Variants in PDE4D observed in about 807,000 individuals in gnomAD.
The protein encoded by PDE4D is 3',5'-cyclic-AMP phosphodiesterase 4D.
PDE4D carries 24 observed loss-of-function variants against 87.4 expected under a neutral mutation model. That is an observed-to-expected ratio of 0.27 (90% CI 0.20 to 0.39). The LOEUF is 0.39. Among genes scored for constraint, PDE4D ranks in the 10% least tolerant of loss-of-function variants. PDE4D has a pLI of 1.00. For missense variants in PDE4D, 714 were observed against 1,041.0 expected (o/e 0.69, Z 4.32); for synonymous variants, 384 against 383.2 (o/e 1.00, Z -0.02).
chr5:60,319,335 T>G (rs1401514909), intron 1 of PDE4D, among the ~76,000 whole-genome samples: 3 of 152,244 alleles, frequency 2.0e-5, no homozygotes, highest in Non-Finnish European at 4.4e-5. Context: ...TTCACCTCCA[T>G]CAGGTCCTTT....
chr5:60,179,238 T>G (rs920422388), intron 2 of PDE4D, among the ~76,000 whole-genome samples: 1 of 152,178 alleles, frequency 6.6e-6, no homozygotes, highest in African/African-American at 2.4e-5. Context: ...TCTCTCTAAC[T>G]ATATACCAAC....
intron 1 of PDE4D, among the ~76,000 whole-genome samples, chr5:59,594,026 T>C (rs1458418130): frequency 2.0e-5 from 3 of 151,990 alleles, no homozygotes; most frequent in Non-Finnish European, 4.4e-5. Context: ...TTTGTTATAT[T>C]AGAGCCTCAC....
At chr5:60,201,463 C>T (rs969546914) in intron 1 of PDE4D, among the ~76,000 whole-genome samples, 9 of 151,900 alleles carry the variant, frequency 5.9e-5, no homozygotes, top group Non-Finnish European at 1.3e-4. Flanking sequence ...TTTTAAAAAA[C>T]ATGTTTCTAA....
intron 5 of PDE4D, among the ~76,000 whole-genome samples, chr5:59,070,975 C>T (rs907783314): frequency 3.3e-5 from 5 of 152,122 alleles, no homozygotes; most frequent in Non-Finnish European, 4.4e-5. Flanking sequence ...TTGGTGAGCA[C>T]GTTTTCCAGT....
chr5:59,034,420 C>CA (rs1363751508), intron 6 of PDE4D, among the ~76,000 whole-genome samples: 1 of 152,102 alleles, frequency 6.6e-6, no homozygotes, highest in East Asian at 1.9e-4. Context: ...AAAAGTTTAA[C>CA]ATTTATATCT....
chr5:59,276,432 C>T (rs912084131), intron 1 of PDE4D, among the ~76,000 whole-genome samples: 13 of 152,014 alleles, frequency 8.6e-5, no homozygotes, highest in Admixed American at 5.9e-4. Flanking sequence ...TTCACTGAAG[C>T]ACTAAAACTA....
intron 1 of PDE4D, among the ~76,000 whole-genome samples, chr5:59,452,632 C>T (rs1417009502): frequency 6.6e-6 from 1 of 152,158 alleles, no homozygotes; most frequent in African/African-American, 2.4e-5. Flanking sequence ...CCCCAAATGT[C>T]CACCAGTGCC....
intron 1 of PDE4D, among the ~76,000 whole-genome samples, chr5:59,517,659 A>G (rs1811411420): frequency 6.6e-6 from 1 of 152,222 alleles, no homozygotes; most frequent in African/African-American, 2.4e-5. Flanking sequence ...TAGTAAAATG[A>G]AGCTGAAAGG....
At chr5:59,659,565 G>A (rs983242090) in intron 1 of PDE4D, among the ~76,000 whole-genome samples, 7 of 152,340 alleles carry the variant, frequency 4.6e-5, no homozygotes, top group South Asian at 2.1e-4. Flanking sequence ...AGGAGTCTTC[G>A]TAGGTAAGAA....
chr5:59,938,821 A>G (rs994892803), intron 3 of PDE4D, among the ~76,000 whole-genome samples: 5 of 152,170 alleles, frequency 3.3e-5, no homozygotes, highest in Non-Finnish European at 5.9e-5. Flanking sequence ...TTCAGATTCA[A>G]TTTTAACTTT....
At chr5:59,431,304 C>T (rs1003300511) in intron 1 of PDE4D, among the ~76,000 whole-genome samples, 1 of 152,088 alleles carries the variant, frequency 6.6e-6, no homozygotes, top group African/African-American at 2.4e-5. Flanking sequence ...AATGCTGTAT[C>T]TTTATCCCAC....
intron 1 of PDE4D, among the ~76,000 whole-genome samples, chr5:59,844,594 C>T (rs994536344): frequency 6.6e-6 from 1 of 152,016 alleles, no homozygotes; most frequent in Non-Finnish European, 1.5e-5. Context: ...GTCATTTAGG[C>T]CTCCTTCATA....
chr5:59,508,540 G>A (rs963878931), intron 1 of PDE4D, among the ~76,000 whole-genome samples: 1 of 151,704 alleles, frequency 6.6e-6, no homozygotes, highest in African/African-American at 2.4e-5. Flanking sequence ...GCTCACATAT[G>A]TAAAAAAATA....
chr5:59,128,124 G>C (rs1436639154), intron 5 of PDE4D, among the ~76,000 whole-genome samples: 2 of 151,344 alleles, frequency 1.3e-5, no homozygotes, highest in Admixed American at 6.6e-5. Context: ...AAAGGCTTCA[G>C]TCTTTGATAT....
intron 1 of PDE4D, among the ~76,000 whole-genome samples, chr5:60,413,196 C>T (rs1348009740): frequency 6.6e-6 from 1 of 152,202 alleles, no homozygotes; most frequent in East Asian, 1.9e-4. Context: ...CTACTGACTA[C>T]TGTAGCTTAC....
chr5:59,321,799 T>C, intron 1 of PDE4D, among the ~76,000 whole-genome samples: 1 of 152,126 alleles, frequency 6.6e-6, no homozygotes, highest in Non-Finnish European at 1.5e-5. Flanking sequence ...GTTCTTCTGT[T>C]GTACTGTATG....
intron 1 of PDE4D, among the ~76,000 whole-genome samples, chr5:59,299,014 T>A (rs1448736538): frequency 6.6e-6 from 1 of 152,238 alleles, no homozygotes; most frequent in Non-Finnish European, 1.5e-5. Flanking sequence ...AATACTTGTA[T>A]ACACATGCAA....
At chr5:60,422,730 A>G (rs1209362730) in intron 1 of PDE4D, among the ~76,000 whole-genome samples, 4 of 152,236 alleles carry the variant, frequency 2.6e-5, no homozygotes, top group Non-Finnish European at 1.5e-5. Flanking sequence ...AAATGCTCCA[A>G]TTAAAAGACA....
intron 2 of PDE4D, among the ~76,000 whole-genome samples, chr5:60,038,156 T>C (rs1768026700): frequency 6.6e-6 from 1 of 152,202 alleles, no homozygotes; most frequent in Admixed American, 6.5e-5. Context: ...ATTTTGGCTT[T>C]GGTTGCCATT....
Sources: gnomAD v4.1 joint callset for allele counts (sites outside exome capture counted in the v4.1 genomes callset) on GRCh38, gnomAD v4.1.1 for gene constraint, MANE v1.5 for transcripts, NCBI Gene and HGNC (gene_info 2026-07-23, HGNC 2026-07-21) for gene names.